Variants in HTRA4 observed in about 807,000 individuals in gnomAD.
HTRA4 encodes the protein serine protease HTRA4.
In HTRA4, 46 loss-of-function variants were observed where a neutral mutation model predicts 49.1. The observed-to-expected ratio is 0.94, with a 90% CI of 0.74 to 1.20. The LOEUF (loss-of-function observed/expected upper bound fraction) is 1.20, where lower values mean the gene tolerates loss of function less well. HTRA4 is among the 50% of genes most tolerant of loss of function. The probability of loss-of-function intolerance (pLI) is 0.00; values close to 1 mark genes in which losing one functional copy is unlikely to be tolerated. For synonymous variants in HTRA4, 261 were observed against 264.0 expected (o/e 0.99, Z 0.11); for missense variants, 602 against 636.9 (o/e 0.95, Z 0.59).
In HTRA4 at chr8:38,974,703, T is replaced by A. The variant is rs1005867153; in HGVS notation, c.440T>A (p.Val147Glu). The A allele has an allele frequency of 4.2e-6, 6 of 1,426,172 alleles. No homozygotes were observed. Among genetic ancestry groups the A allele is most frequent in the Non-Finnish European group, 5.5e-6 (6 of 1,100,210 alleles). 88.3% of individuals were successfully genotyped at this position (1,426,172 alleles called of 1,614,324 possible). ...RRLGKVPAVP[V>E]QWGNCGDTGT... ...CTGGGCAAGGTCCCGGCCGTGCCTG[T>A]GCAGTGGGGGAACTGCGGGGATACA... Residue 147 changes from valine (V) to glutamate (E), a missense_variant, in exon 1 of 9, where the codon GTG (valine) becomes GAG (glutamate). Val to Glu is a moderately radical substitution (Grantham distance 121). Transcript: ENST00000302495.
At chr8:38,982,620 T>A in intron 7 of HTRA4, 65 bp downstream of exon 7, 2 of 1,501,054 alleles carry the variant, frequency 1.3e-6, no homozygotes, top group Non-Finnish European at 1.9e-6. Context: ...TGCACAGTCT[T>A]AACAGAAAAG....
At position 38,977,947 on chromosome 8, in the gene HTRA4, G is replaced by T. The variant is rs368081341; in HGVS notation, c.772-6G>T. Reference sequence around the variant, plus strand: ...GTCCTCCCCATCCCTTTTTGGGCACGTGCAGGCTGAACTTCCTGTACTGAT... The same window carrying T: ...GTCCTCCCCATCCCTTTTTGGGCACTTGCAGGCTGAACTTCCTGTACTGAT... On this transcript the variant is annotated splice_polypyrimidine_tract_variant and splice_region_variant and intron_variant, in intron 3 of 8. Coordinates refer to ENST00000302495, the MANE Select transcript of HTRA4 (RefSeq NM_153692.4). The T allele has an allele frequency of 3.0e-5, 48 of 1,612,224 alleles. No individual in the cohort carries two copies. Among genetic ancestry groups the T allele is most frequent in the South Asian group, 4.4e-5 (4 of 90,804 alleles).
chr8:38,974,887 T>C, intron 1 of HTRA4, 144 bp from the exon 2 acceptor site: 1 of 1,205,354 alleles, frequency 8.3e-7, no homozygotes, highest in Non-Finnish European at 1.2e-6. Context: ...CTTTCCTCCT[T>C]AACAGGGGCT....
At chr8:38,980,937 ATGTTTATTT>A (rs1835410900) in intron 5 of HTRA4, among the ~76,000 whole-genome samples, 2 of 151,898 alleles carry the variant, frequency 1.3e-5, no homozygotes, top group Admixed American at 1.3e-4. Flanking sequence ...TACCTTTTCC[ATGTTTATTT>A]TTACTTTTAA....
intron 8 of HTRA4, among the ~76,000 whole-genome samples, chr8:38,984,103 C>T (rs1298483488): frequency 6.6e-6 from 1 of 151,876 alleles, no homozygotes; most frequent in Non-Finnish European, 1.5e-5. Flanking sequence ...CAGGTTCAAG[C>T]AATTCTCCTG....
intron 6 of HTRA4, among the ~76,000 whole-genome samples, chr8:38,982,147 C>T (rs912526362): frequency 7.2e-5 from 11 of 152,112 alleles, no homozygotes; most frequent in Admixed American, 2.0e-4. Context: ...CATGCCTGGC[C>T]CGGAGACAGC....
At chr8:38,979,167 A>G (rs769123624) in intron 4 of HTRA4, 48 bp from the exon 5 acceptor site, 1 of 1,507,494 alleles carries the variant, frequency 6.6e-7, no homozygotes, top group South Asian at 1.1e-5. Context: ...GACAAGGGGG[A>G]ATGTATTCAT....
intron 8 of HTRA4, among the ~76,000 whole-genome samples, chr8:38,986,933 T>C (rs889890640): frequency 6.6e-6 from 1 of 152,250 alleles, no homozygotes; most frequent in African/African-American, 2.4e-5. Flanking sequence ...CAGGTTTCTT[T>C]TTCTCTTTTC....
intron 8 of HTRA4, among the ~76,000 whole-genome samples, chr8:38,985,697 C>CA (rs1835475696): frequency 6.6e-6 from 1 of 152,140 alleles, no homozygotes; most frequent in African/African-American, 2.4e-5. Flanking sequence ...GGTTCAAGAC[C>CA]AAAGCTATTT....
At position 38,977,953 on chromosome 8, in the gene HTRA4, G is replaced by T. The variant is rs758618853; in HGVS notation, c.772G>T (p.Ala258Ser). 6.2e-7 allele frequency: 1 copy of T among 1,613,220 alleles called. No homozygotes were observed. The highest frequency in any genetic ancestry group is 8.5e-7 in the Non-Finnish European group (1 of 1,179,794). ...CCCATCCCTTTTTGGGCACGTGCAG[G>T]CTGAACTTCCTGTACTGATGCTGGG... is the stretch of plus-strand genomic sequence containing the variant. The part of the protein sequence containing the change: ...DLAVIKIESN[A>S]ELPVLMLGRS... Residue 258 changes from alanine to serine, a missense_variant and splice_region_variant, in exon 4 of 9, where the codon GCT becomes TCT. Coordinates refer to ENST00000302495, the MANE Select transcript of HTRA4 (RefSeq NM_153692.4).
At chr8:38,986,812 A>T (rs1201591207) in intron 8 of HTRA4, among the ~76,000 whole-genome samples, 1 of 152,222 alleles carries the variant, frequency 6.6e-6, no homozygotes, top group Non-Finnish European at 1.5e-5. Context: ...CAAGTCTGAA[A>T]GACCCAGGAT....
chr8:38,977,826 C>T lies in HTRA4; in HGVS notation c.772-127C>T, dbSNP rs531823490. ...AGAAGCTGTGTGAGTGGGTGCTTCT[C>T]AGGTGGTAAGGGCCAAGGTGATAGA... On this transcript the variant is annotated intron_variant, in intron 3 of 8. Transcript: ENST00000302495. The T allele has an allele frequency of 9.0e-5, 76 of 844,596 alleles. 1 individual carries two copies. The South Asian group carries it at 1.2e-3, about 13-fold the overall frequency. The allele number at this position is 844,596 out of a possible 1,614,324, so 52.3% of individuals were successfully genotyped here. A position where few individuals can be genotyped will look rare whatever the true frequency, so the allele number is the denominator to read the frequency against.
intron 2 of HTRA4, among the ~76,000 whole-genome samples, chr8:38,976,012 A>G (rs537955395): frequency 6.6e-5 from 10 of 152,190 alleles, no homozygotes; most frequent in African/African-American, 2.4e-4. Context: ...GCTGGACCCC[A>G]CTCTCAACCA....
chr8:38,985,161 CTT>C (rs773305917), intron 8 of HTRA4, among the ~76,000 whole-genome samples: 8 of 130,672 alleles, frequency 6.1e-5, no homozygotes, highest in African/African-American at 5.6e-5. Context: ...TGTTGTACTT[CTT>C]TTTTTTTTTT....
chr8:38,980,394 C>T (rs111372169), intron 5 of HTRA4, among the ~76,000 whole-genome samples: 1 of 151,954 alleles, frequency 6.6e-6, no homozygotes, highest in Non-Finnish European at 1.5e-5. Context: ...GCCATACCCC[C>T]GACCTACTGA....
intron 5 of HTRA4, among the ~76,000 whole-genome samples, chr8:38,980,302 A>T (rs894491276): frequency 5.9e-5 from 9 of 151,354 alleles, no homozygotes; most frequent in South Asian, 2.1e-4. Flanking sequence ...ATAGCATTGC[A>T]TGTCATTTTT....
chr8:38,978,311 A>G (rs1368549887), intron 4 of HTRA4, among the ~76,000 whole-genome samples, 164 bp downstream of exon 4: 4 of 152,274 alleles, frequency 2.6e-5, no homozygotes, highest in Non-Finnish European at 4.4e-5. Context: ...TTAAATTCTC[A>G]TAGGAGTGCA....
At position 38,988,135 on chromosome 8, in the gene HTRA4, A is replaced by AAC. The variant is rs199758471; in HGVS notation, c.*38_*39insCA. 1.5e-4 allele frequency: 230 copies of AAC among 1,505,846 alleles called. 1 individual carries two copies. In the East Asian group the frequency reaches 5.3e-3, roughly 35 times the overall value. 93.3% of individuals were successfully genotyped at this position (1,505,846 alleles called of 1,614,324 possible). On this transcript the variant is annotated 3_prime_UTR_variant, in exon 9 of 9. Transcript: ENST00000302495. The stretch of plus-strand genomic sequence containing the variant: ...TAAAGTGGGATTATCTAAAAAAAAA[A>AAC]AAACCAGTTATATCACGTGGTTTGT...
Position 38,974,335 on chromosome 8 carries a change from G to A in HTRA4, c.72G>A (p.Val24=), listed in dbSNP as rs747398592. The A allele has an allele frequency of 1.2e-6, 2 of 1,612,358 alleles. No homozygotes were observed. Among genetic ancestry groups the A allele is most frequent in the Non-Finnish European group, 1.7e-6 (2 of 1,179,702 alleles). Residue 24 remains valine (V), a synonymous_variant, in exon 1 of 9, where the codon GTG becomes GTA. Transcript: ENST00000302495. Reference sequence around the variant, plus strand: ...TGCCGGGGCTGCTGCTGCTCCTGGTGCCCGTCCTCTGGGCCGGGGCTGAAA... The same window carrying A: ...TGCCGGGGCTGCTGCTGCTCCTGGTACCCGTCCTCTGGGCCGGGGCTGAAA... ...CLLPGLLLLL[V]PVLWAGAEKL...
Sources: allele counts gnomAD v4.1 joint callset (sites outside exome capture counted in the v4.1 genomes callset), GRCh38; gene constraint gnomAD v4.1.1; transcripts MANE v1.5; gene names NCBI Gene and HGNC (gene_info 2026-07-23, HGNC 2026-07-21).